The following GSDMC variants were observed in gnomAD, a reference collection of about 807,000 sequenced individuals.
The protein encoded by GSDMC is gasdermin C, also known as gasdermin-C.
Under a neutral mutation model 58.0 loss-of-function variants are expected in GSDMC, and 59 were observed. That is an observed-to-expected ratio of 1.02 (90% CI 0.82 to 1.26). The LOEUF is 1.26. Ranked by LOEUF, GSDMC falls within the 50% of genes most tolerant of loss-of-function variation. GSDMC has a pLI of 0.00. For synonymous variants in GSDMC, 241 were observed against 220.2 expected, an observed-to-expected ratio of 1.09 and a Z score of -0.83; for missense variants, 659 against 598.5, an observed-to-expected ratio of 1.10 and a Z score of -1.06.
At chr8:129,759,525 C>T (rs918026038) in intron 6 of GSDMC, among the ~76,000 whole-genome samples, 6 of 152,058 alleles carry the variant, frequency 3.9e-5, no homozygotes, top group Admixed American at 3.9e-4. Flanking sequence ...AGAAATAAAT[C>T]TAATAATCTG....
chr8:129,750,655 A>G, intron 10 of GSDMC, 85 bp from the exon 11 acceptor site: 1 of 1,368,836 alleles, frequency 7.3e-7, no homozygotes, highest in Non-Finnish European at 1.0e-6. Flanking sequence ...GTTTGCACGA[A>G]TATGAACCAA....
intron 6 of GSDMC, among the ~76,000 whole-genome samples, chr8:129,759,956 A>T (rs1468341648): frequency 6.6e-6 from 1 of 152,230 alleles, no homozygotes; most frequent in Non-Finnish European, 1.5e-5. Flanking sequence ...TTGGAAGCAA[A>T]CTAAATGTCC....
At chr8:129,738,583 C>T in the GSDMC span, among the ~76,000 whole-genome samples, 3 of 152,116 alleles carry the variant, frequency 2.0e-5, no homozygotes, top group Non-Finnish European at 4.4e-5. Context: ...CATGTTCTCA[C>T]TCATAGGTGG....
rs1247995835 is a variant in GSDMC, at chr8:129,762,639, A to T, written c.663T>A (p.Val221=). 6.2e-7 allele frequency: 1 copy of T among 1,610,200 alleles called. No homozygotes were observed. Among genetic ancestry groups the T allele is most frequent in the African/African-American group, 1.3e-5 (1 of 74,850 alleles). The change falls in exon 5 of 14, where the codon GTT becomes GTA. Residue 221 remains valine, a synonymous_variant. Transcript: ENST00000276708. ...CGCTGCTCCCACCTTTCTCCTTGAT[A>T]ACCAGCTGCTTTCTCTTATAAGCCA... ...MVMAYKRKQL[V]IKEKAILISD...
the GSDMC span, among the ~76,000 whole-genome samples, chr8:129,741,497 G>A: frequency 3.3e-5 from 5 of 151,978 alleles, no homozygotes; most frequent in South Asian, 4.1e-4. Context: ...TAATTTATTT[G>A]TGTCTTCTTT....
chr8:129,732,196 C>G, the GSDMC span, among the ~76,000 whole-genome samples: 14 of 151,798 alleles, frequency 9.2e-5, no homozygotes, highest in African/African-American at 3.4e-4. Flanking sequence ...GAGAACACAG[C>G]AAGAAAGCCC....
intron 6 of GSDMC, among the ~76,000 whole-genome samples, chr8:129,759,075 C>T (rs778231956): frequency 6.6e-6 from 1 of 151,980 alleles, no homozygotes. Context: ...TACAGTGAAC[C>T]ATCTTTGACA....
intron 12 of GSDMC, 102 bp downstream of exon 12, chr8:129,749,888 G>A: frequency 2.2e-6 from 2 of 890,242 alleles, no homozygotes; most frequent in East Asian, 5.1e-5. Flanking sequence ...GAAAGATCAT[G>A]GCATTCAAAG....
chr8:129,708,447 T>C, the GSDMC span, among the ~76,000 whole-genome samples: 4 of 152,200 alleles, frequency 2.6e-5, no homozygotes, highest in African/African-American at 7.2e-5. Flanking sequence ...TAGTTTGGGA[T>C]GAGAAGCAAA....
intron 11 of GSDMC, 81 bp from the exon 12 acceptor site, chr8:129,750,200 A>G: frequency 3.3e-6 from 4 of 1,214,334 alleles, no homozygotes; most frequent in Non-Finnish European, 4.5e-6. Flanking sequence ...ACTGGTGATA[A>G]CCAAGGGGTA....
intron 1 of GSDMC, among the ~76,000 whole-genome samples, chr8:129,782,329 C>A (rs1215788702): frequency 1.3e-4 from 19 of 151,860 alleles, no homozygotes; most frequent in Admixed American, 1.2e-3. Context: ...GCAGCCCAAA[C>A]CCAAAATTAG....
the GSDMC span, among the ~76,000 whole-genome samples, chr8:129,739,683 T>C: frequency 5.9e-5 from 9 of 152,326 alleles, no homozygotes; most frequent in African/African-American, 1.9e-4. Context: ...ACAAACCTAC[T>C]TCACAGCCAG....
intron 1 of GSDMC, among the ~76,000 whole-genome samples, chr8:129,783,646 T>C (rs370491559): frequency 6.6e-6 from 1 of 152,300 alleles, no homozygotes; most frequent in East Asian, 1.9e-4. Context: ...GAATCAATAT[T>C]GTTAAAATGT....
At chr8:129,741,019 T>G in the GSDMC span, among the ~76,000 whole-genome samples, 1 of 152,148 alleles carries the variant, frequency 6.6e-6, no homozygotes, top group Non-Finnish European at 1.5e-5. Flanking sequence ...TGATTTTTTT[T>G]TATGGTGTGA....
the GSDMC span, among the ~76,000 whole-genome samples, chr8:129,710,079 T>C: frequency 1.3e-5 from 2 of 152,266 alleles, no homozygotes; most frequent in African/African-American, 4.8e-5. Context: ...GCATAAATGA[T>C]AAATGAAGTA....
rs969744419 is a variant in GSDMC at position 129,786,552 on chromosome 8, T to C, written c.-546A>G. 2 of 152,176 alleles carry C rather than the reference T, an allele frequency of 1.3e-5. No homozygotes were observed. The highest frequency in any genetic ancestry group is 1.5e-5 in the Non-Finnish European group (1 of 68,046). 9.4% of individuals were successfully genotyped at this position (152,176 alleles called of 1,614,324 possible). ...ATTTCCAGAAGAGTAAGTCTGGAAC[T>C]AGTTCTGGATCACAGAACCTTAGCT... On this transcript the variant is annotated 5_prime_UTR_variant, in exon 1 of 14. Coordinates refer to ENST00000276708, the MANE Select transcript of GSDMC (RefSeq NM_031415.3).
rs1443709295 is a variant in GSDMC at position 129,777,549 on chromosome 8, G to C, written c.39C>G (p.Val13=). 1 of 1,612,624 alleles carries C rather than the reference G, an allele frequency of 6.2e-7. No homozygotes were observed. The highest frequency in any genetic ancestry group is 1.3e-5 in the African/African-American group (1 of 74,978). The change falls in exon 2 of 14, where the codon GTC becomes GTG. Residue 13 remains valine, a synonymous_variant. Transcript: ENST00000276708. ...TCAGGTCTTTGCTTCCAATCTCTTT[G>C]ACCAAATTTTTGCTAATGCGTTCCA... ...SMLERISKNL[V]KEIGSKDLTP...
chr8:129,733,225 T>TG, the GSDMC span, among the ~76,000 whole-genome samples: 49,396 of 152,184 alleles, frequency 0.32, 11,625 homozygotes, highest in African/African-American at 0.65. Flanking sequence ...ATTCCACCTC[T>TG]GGGGGCAGGG....
chr8:129,755,761 A>T (rs892654045), intron 6 of GSDMC, among the ~76,000 whole-genome samples: 2 of 152,054 alleles, frequency 1.3e-5, no homozygotes, highest in Non-Finnish European at 2.9e-5. Context: ...TTTGCCTATT[A>T]GTTCATTTGT....
Sources: gnomAD v4.1 joint callset for allele counts (sites outside exome capture counted in the v4.1 genomes callset) on GRCh38, gnomAD v4.1.1 for gene constraint, MANE v1.5 for transcripts, NCBI Gene and HGNC (gene_info 2026-07-23, HGNC 2026-07-21) for gene names.